FPGT: variants seen among roughly 807,000 people sequenced by gnomAD.
FPGT encodes the protein GDP-L-fucose diphosphorylase.
Under a neutral mutation model 45.8 loss-of-function variants are expected in FPGT, and 41 were observed. The observed-to-expected ratio is 0.90, with a 90% confidence interval of 0.70 to 1.16. The LOEUF (loss-of-function observed/expected upper bound fraction) is 1.16. Among genes scored for constraint, FPGT ranks in the 50% most tolerant of loss-of-function variants. The pLI is 0.00. For synonymous variants in FPGT, 292 were observed against 247.2 expected (o/e 1.18, Z -1.70); for missense variants, 755 against 689.1 (o/e 1.10, Z -1.07).
Position 74,205,993 on chromosome 1 carries a change from G to T in FPGT, c.*161G>T. On this transcript the variant is annotated 3_prime_UTR_variant, in exon 4 of 4. Transcript: ENST00000370898. The stretch of plus-strand genomic sequence containing the variant: ...AAAAGTACATATAAGTCATTTTGAT[G>T]AAAAATATTCCAAGACTAAGTTGAG... 1 of 470,810 alleles carries T rather than the reference G, an allele frequency of 2.1e-6. No individual in the cohort carries two copies. The highest frequency in any genetic ancestry group is 3.7e-6 in the Non-Finnish European group (1 of 269,160). The allele number at this position is 470,810 out of a possible 1,614,324, so 29.2% of individuals were successfully genotyped here.
chr1:74,199,959 G>C, intron 2 of FPGT, 128 bp downstream of exon 2: 3 of 1,111,574 alleles, frequency 2.7e-6, no homozygotes, highest in Non-Finnish European at 3.6e-6. Context: ...TTTAAAATTT[G>C]AACATAAATT....
In FPGT at chr1:74,199,769, G is replaced by A. The variant is rs1366209085; in HGVS notation, c.188G>A (p.Arg63Lys). The A allele has an allele frequency of 6.2e-7, 1 of 1,614,050 alleles. No individual in the cohort carries two copies. Among genetic ancestry groups the A allele is most frequent in the South Asian group, 1.1e-5 (1 of 91,086 alleles). ...CAACAGCTGTCAGAAAAGCTGAAAA[G>A]AAAGGAGTTACCCCTTGGAGTTCAA... Reference protein sequence around the residue: ...YNQQLSEKLKRKELPLGVQYH... With the variant: ...YNQQLSEKLKKKELPLGVQYH... The change falls in exon 2 of 4, where the codon AGA (arginine) becomes AAA (lysine). Residue 63 changes from arginine (R) to lysine (K), a missense_variant. By Grantham distance (26) the Arg-to-Lys change is conservative (BLOSUM62 2). Transcript: ENST00000370898.
At position 74,198,266 on chromosome 1, in the gene FPGT, G is replaced by C. The variant is rs200371237; in HGVS notation, c.-13G>C. ...TGCGTGCTGTGCGGCGCGGTCTCAG[G>C]GAAGGTGGGGCTATGGCAGCTGCTA... On this transcript the variant is annotated 5_prime_UTR_variant, in exon 1 of 4. Transcript: ENST00000370898. 1.3e-5 allele frequency: 21 copies of C among 1,613,198 alleles called. No homozygotes were observed. In the South Asian group the frequency reaches 2.2e-4, roughly 17 times the overall value.
Position 74,199,699 on chromosome 1 carries a change from G to A in FPGT, c.118G>A (p.Val40Ile), listed in dbSNP as rs1428899793. The A allele has an allele frequency of 6.2e-7, 1 of 1,613,800 alleles. No homozygotes were observed. Among genetic ancestry groups the A allele is most frequent in the Non-Finnish European group, 8.5e-7 (1 of 1,179,920 alleles). The change falls in exon 2 of 4, where the codon GTT (valine) becomes ATT (isoleucine). Residue 40 changes from valine (V) to isoleucine (I), a missense_variant. By Grantham distance (29) the Val-to-Ile change is conservative (BLOSUM62 3). Coordinates refer to ENST00000370898, the MANE Select transcript of FPGT (RefSeq NM_003838.5). ...LVARGEFWDI[V>I]AITAADEKQE... is the part of the protein sequence containing the mutation. ...AGCACGTGGAGAATTCTGGGACATAGTTGCAATAACAGCGGCTGATGAAAA... is the reference window on the plus strand; with the variant it reads ...AGCACGTGGAGAATTCTGGGACATAATTGCAATAACAGCGGCTGATGAAAA...
chr1:74,199,438 A>C (rs1298483816), intron 1 of FPGT, among the ~76,000 whole-genome samples: 1 of 152,198 alleles, frequency 6.6e-6, no homozygotes, highest in Non-Finnish European at 1.5e-5. Context: ...AAAAGGAGGG[A>C]GTGATCTAAA....
intron 1 of FPGT, among the ~76,000 whole-genome samples, chr1:74,199,171 A>G (rs1419201012): frequency 6.6e-6 from 1 of 152,210 alleles, no homozygotes; most frequent in East Asian, 1.9e-4. Flanking sequence ...TCTTAAAGTA[A>G]TAGAAAATAA....
At chr1:74,202,689 A>G (rs1405419371) in intron 3 of FPGT, among the ~76,000 whole-genome samples, 1 of 152,218 alleles carries the variant, frequency 6.6e-6, no homozygotes, top group Non-Finnish European at 1.5e-5. Flanking sequence ...TTAGCTTACT[A>G]TAACATTTTT....
At position 74,204,785 on chromosome 1, in the gene FPGT, A is replaced by ATATAAAGTTACTTC; in HGVS notation, c.738_739insTATAAAGTTACTTC (p.Asn247TyrfsTer22). The stretch of plus-strand genomic sequence containing the variant: ...AGTTTAATGCTGTGTGTAGACCTGG[A>ATATAAAGTTACTTC]AATTTTTGTCAACAGGACTTTGCTG... On this transcript the variant is annotated frameshift_variant, in exon 4 of 4. Transcript: ENST00000370898. LOFTEE classifies it high-confidence loss of function. The ATATAAAGTTACTTC allele has an allele frequency of 1.9e-6, 3 of 1,613,822 alleles. No individual in the cohort carries two copies. The highest frequency in any genetic ancestry group is 1.6e-4 in the Middle Eastern group (1 of 6,062).
At chr1:74,199,011 G>C (rs1651504839) in intron 1 of FPGT, among the ~76,000 whole-genome samples, 1 of 152,142 alleles carries the variant, frequency 6.6e-6, no homozygotes, top group South Asian at 2.1e-4. Flanking sequence ...TAATTAAAAT[G>C]CTAAATCATT....
At chr1:74,198,997 T>TA (rs1234276751) in intron 1 of FPGT, among the ~76,000 whole-genome samples, 3 of 152,220 alleles carry the variant, frequency 2.0e-5, no homozygotes, top group African/African-American at 7.2e-5. Flanking sequence ...TTCTGTTTGT[T>TA]AACTAATTAA....
chr1:74,205,859 C>A lies in FPGT; in HGVS notation c.*27C>A. On this transcript the variant is annotated 3_prime_UTR_variant, in exon 4 of 4. Coordinates refer to ENST00000370898, the MANE Select transcript of FPGT (RefSeq NM_003838.5). Reference sequence around the variant, plus strand: ...GATATTTTAAATATTGTACACTTTGCCTTTTTGAGTAACATTCCAGAGATA... The same window carrying A: ...GATATTTTAAATATTGTACACTTTGACTTTTTGAGTAACATTCCAGAGATA... 1 of 1,323,672 alleles carries A rather than the reference C, an allele frequency of 7.6e-7. No individual in the cohort carries two copies. The highest frequency in any genetic ancestry group is 1.0e-6 in the Non-Finnish European group (1 of 954,002). 82.0% of individuals were successfully genotyped at this position (1,323,672 alleles called of 1,614,324 possible).
rs764918897 is a variant in FPGT, at chr1:74,205,165, ACAGTTTAAAGT to A, written c.1122_1132del (p.Ser374ArgfsTer10). ...TATTTGTTTTACTTTACCTCAGATA[ACAGTTTAAAGT>A]CAGAGCTCGGCTTACAGTCCATAAC... On this transcript the variant is annotated frameshift_variant, in exon 4 of 4. Coordinates refer to ENST00000370898, the MANE Select transcript of FPGT (RefSeq NM_003838.5). LOFTEE classifies it high-confidence loss of function. 6.2e-7 allele frequency: 1 copy of A among 1,613,496 alleles called. No homozygotes were observed. The highest frequency in any genetic ancestry group is 1.3e-5 in the African/African-American group (1 of 74,916).
In FPGT at chr1:74,205,674, A is replaced by G. The variant is rs764035240; in HGVS notation, c.1627A>G (p.Lys543Glu). 1.2e-6 allele frequency: 2 copies of G among 1,608,958 alleles called. No individual in the cohort carries two copies. Among genetic ancestry groups the G allele is most frequent in the East Asian group, 2.2e-5 (1 of 44,850 alleles). ...GAGTGACTCAGTTATAACATCCCTA[A>G]AGATGTTAAATGCTGTTAAGAACAA... ...SLSDSVITSL[K>E]MLNAVKNKSA... The change falls in exon 4 of 4, where the codon AAG becomes GAG. Residue 543 changes from lysine to glutamate, a missense_variant. Physicochemically the swap from Lys to Glu is moderately conservative, Grantham distance 56. Transcript: ENST00000370898.
Position 74,207,727 on chromosome 1 carries a change from A to G in FPGT, c.*1895A>G, listed in dbSNP as rs534512320. Among the ~76,000 whole-genome samples, 4 of 152,052 alleles carry G rather than the reference A, an allele frequency of 2.6e-5. No homozygotes were observed. In the East Asian group the frequency reaches 7.7e-4, roughly 29 times the overall value. On this transcript the variant is annotated 3_prime_UTR_variant, in exon 4 of 4. Coordinates refer to ENST00000370898, the MANE Select transcript of FPGT (RefSeq NM_003838.5). ...AGAAGTGACCTGTCTGAAGCCCTCA[A>G]TTGTGGTATTTGTGTGTTTGTTTTT... is the stretch of plus-strand genomic sequence containing the variant.
Position 74,207,822 on chromosome 1 carries a change from G to A in FPGT, c.*1990G>A, listed in dbSNP as rs970772621. Among the ~76,000 whole-genome samples the A allele has an allele frequency of 5.3e-5, 8 of 152,016 alleles. No individual in the cohort carries two copies. Among genetic ancestry groups the A allele is most frequent in the Non-Finnish European group, 7.4e-5 (5 of 67,916 alleles). On this transcript the variant is annotated 3_prime_UTR_variant, in exon 4 of 4. Coordinates refer to ENST00000370898, the MANE Select transcript of FPGT (RefSeq NM_003838.5). Reference sequence around the variant, plus strand: ...TTTAACATTTATCTACTTACAGAGCGTTCAGAGGATGTTATATGTTTATTA... The same window carrying A: ...TTTAACATTTATCTACTTACAGAGCATTCAGAGGATGTTATATGTTTATTA...
intron 2 of FPGT, 109 bp from the exon 3 acceptor site, chr1:74,201,209 T>C: frequency 1.3e-6 from 1 of 791,826 alleles, no homozygotes; most frequent in East Asian, 2.7e-5. Context: ...ATTTACTTAT[T>C]CCTGAAAGGC....
rs930228614 is a variant in FPGT at position 74,206,824 on chromosome 1, G to A, written c.*992G>A. ...AAAATTGGCTAGAATCTCAAGTTATGTGTTTCTATATTGGTATAAGCATAT... is the reference window on the plus strand; with the variant it reads ...AAAATTGGCTAGAATCTCAAGTTATATGTTTCTATATTGGTATAAGCATAT... On this transcript the variant is annotated 3_prime_UTR_variant, in exon 4 of 4. Coordinates refer to ENST00000370898, the MANE Select transcript of FPGT (RefSeq NM_003838.5). The A allele has an allele frequency of 1.3e-5, 2 of 152,038 alleles. No homozygotes were observed. Among genetic ancestry groups the A allele is most frequent in the Non-Finnish European group, 2.9e-5 (2 of 67,946 alleles). The allele number at this position is 152,038 out of a possible 1,614,324, so 9.4% of individuals were successfully genotyped here.
chr1:74,201,526 T>A, intron 3 of FPGT, 116 bp downstream of exon 3: 1 of 654,090 alleles, frequency 1.5e-6, no homozygotes, highest in Non-Finnish European at 2.4e-6. Flanking sequence ...ATCTTTGAAG[T>A]TATTCTGCTT....
In FPGT at chr1:74,205,474, A is replaced by C. The variant is rs764992943; in HGVS notation, c.1427A>C (p.Asn476Thr). The C allele has an allele frequency of 4.3e-6, 7 of 1,613,826 alleles. No individual in the cohort carries two copies. Among genetic ancestry groups the C allele is most frequent in the Non-Finnish European group, 5.9e-6 (7 of 1,179,674 alleles). ...YATMAFGVQD[N>T]LKKSVKTLSD... ...ACTATGGCATTTGGAGTGCAAGACA[A>C]CTTGAAAAAGAGTGTGAAAACATTG... Residue 476 changes from asparagine to threonine, a missense_variant, in exon 4 of 4, where the codon AAC becomes ACC. Transcript: ENST00000370898.
Sources: allele counts gnomAD v4.1 joint callset (sites outside exome capture counted in the v4.1 genomes callset), GRCh38; gene constraint gnomAD v4.1.1; transcripts MANE v1.5; gene names NCBI Gene and HGNC (gene_info 2026-07-23, HGNC 2026-07-21).